The following DYNC1I1 variants were observed in gnomAD, a reference collection of about 807,000 sequenced individuals.
DYNC1I1 encodes the protein dynein cytoplasmic 1 intermediate chain 1.
DYNC1I1 carries 43 observed loss-of-function variants against 86.6 expected under a neutral mutation model. That is an observed-to-expected ratio of 0.50 (90% CI 0.39 to 0.64). The LOEUF (loss-of-function observed/expected upper bound fraction) is 0.64, where lower values mean the gene tolerates loss of function less well. Among genes scored for constraint, DYNC1I1 ranks in the 30% least tolerant of loss-of-function variants. DYNC1I1 has a pLI of 0.00. For missense variants in DYNC1I1, 604 were observed against 788.8 expected (o/e 0.77, Z 2.81); for synonymous variants, 262 against 283.7 (o/e 0.92, Z 0.77).
chr7:95,895,302 A>C (rs1004004742), intron 6 of DYNC1I1, among the ~76,000 whole-genome samples: 2 of 152,200 alleles, frequency 1.3e-5, no homozygotes, highest in African/African-American at 2.4e-5. Context: ...TGATATTTTC[A>C]ATTTTCACTC....
At chr7:95,903,535 G>T (rs1472739709) in intron 6 of DYNC1I1, among the ~76,000 whole-genome samples, 1 of 152,178 alleles carries the variant, frequency 6.6e-6, no homozygotes, top group Non-Finnish European at 1.5e-5. Context: ...ACACAAAGAG[G>T]CAGACAGGAG....
chr7:95,773,082 C>T (rs1359817452), intron 1 of DYNC1I1, among the ~76,000 whole-genome samples: 1 of 152,188 alleles, frequency 6.6e-6, no homozygotes, highest in African/African-American at 2.4e-5. Context: ...CAGTGCGCCC[C>T]GCCTCGGTCT....
chr7:95,825,868 A>G (rs1298167194), intron 4 of DYNC1I1, among the ~76,000 whole-genome samples: 1 of 152,178 alleles, frequency 6.6e-6, no homozygotes, highest in East Asian at 1.9e-4. Context: ...AACCTTGTAA[A>G]CATCACCTGG....
intron 15 of DYNC1I1, 70 bp from the exon 16 acceptor site, chr7:96,080,293 A>G: frequency 1.3e-6 from 2 of 1,509,094 alleles, no homozygotes; most frequent in East Asian, 2.3e-5. Flanking sequence ...AGTTAAACGT[A>G]TTATTGTAAA....
In DYNC1I1 at chr7:96,035,651, G is replaced by A; in HGVS notation, c.1263G>A (p.Lys421=). 1 of 1,610,940 alleles carries A rather than the reference G, an allele frequency of 6.2e-7. No individual in the cohort carries two copies. Among genetic ancestry groups the A allele is most frequent in the Non-Finnish European group, 8.5e-7 (1 of 1,178,746 alleles). Residue 421 remains lysine (K), a synonymous_variant, in exon 13 of 17, where the codon AAG becomes AAA. Transcript: ENST00000447467. The part of the protein sequence containing the change: ...ESMELVYNKS[K]PVAVTGMAFP... ...TGGAGCTGGTGTACAATAAGTCCAA[G>A]CCTGTCGCTGTTACCGGAATGGCTT...
intron 16 of DYNC1I1, chr7:96,109,942 T>A (rs993632702): frequency 2.1e-5 from 6 of 288,652 alleles, no homozygotes; most frequent in African/African-American, 4.6e-5. Flanking sequence ...TATGTACTGA[T>A]TTTCTGCCTA....
chr7:95,799,327 C>A (rs535398462), intron 1 of DYNC1I1, among the ~76,000 whole-genome samples: 1 of 152,046 alleles, frequency 6.6e-6, no homozygotes, highest in African/African-American at 2.4e-5. Flanking sequence ...TGCAGTGAGC[C>A]GAGATCGGGC....
chr7:95,930,288 G>A (rs550330072), intron 6 of DYNC1I1, among the ~76,000 whole-genome samples: 1 of 152,152 alleles, frequency 6.6e-6, no homozygotes, highest in Non-Finnish European at 1.5e-5. Flanking sequence ...AATGATTGGG[G>A]TGGCATTAAT....
At position 96,098,271 on chromosome 7, in the gene DYNC1I1, G is replaced by A. The variant is rs777401816; in HGVS notation, c.*678G>A. 1.3e-4 allele frequency: 128 copies of A among 985,824 alleles called. No individual in the cohort carries two copies. The Middle Eastern group carries it at 2.1e-3, about 16-fold the overall frequency. The allele number at this position is 985,824 out of a possible 1,614,324, so 61.1% of individuals were successfully genotyped here. On this transcript the variant is annotated 3_prime_UTR_variant, in exon 17 of 17. Coordinates refer to ENST00000447467, the MANE Select transcript of DYNC1I1 (RefSeq NM_001135556.2). ...TCTTTAGAGGTTTCTTGCAGTGAAC[G>A]AAATGAATTTTAATGCCTATTATTT...
intron 6 of DYNC1I1, among the ~76,000 whole-genome samples, chr7:95,880,489 C>A (rs1362311806): frequency 6.6e-6 from 1 of 152,094 alleles, no homozygotes; most frequent in Non-Finnish European, 1.5e-5. Flanking sequence ...TTACTTTCTT[C>A]TCCTTTGTGC....
intron 10 of DYNC1I1, among the ~76,000 whole-genome samples, chr7:96,013,779 T>C (rs1794336107): frequency 6.6e-6 from 1 of 152,166 alleles, no homozygotes; most frequent in East Asian, 1.9e-4. Flanking sequence ...TGCTAATGCC[T>C]ACCAAATCTT....
chr7:96,067,036 C>T (rs568842125), intron 14 of DYNC1I1, among the ~76,000 whole-genome samples: 1 of 152,074 alleles, frequency 6.6e-6, no homozygotes, highest in East Asian at 1.9e-4. Context: ...GGGACCTTAC[C>T]GTGTTTTATT....
At chr7:95,870,723 G>T (rs912123809) in intron 6 of DYNC1I1, among the ~76,000 whole-genome samples, 1 of 152,092 alleles carries the variant, frequency 6.6e-6, no homozygotes, top group Admixed American at 6.5e-5. Flanking sequence ...GTCACATACG[G>T]GTATCAGAGA....
chr7:95,938,407 T>C (rs1217699642), intron 6 of DYNC1I1, among the ~76,000 whole-genome samples: 4 of 152,190 alleles, frequency 2.6e-5, no homozygotes, highest in African/African-American at 9.6e-5. Context: ...TCTTTTCATG[T>C]TGACAGGATA....
chr7:95,879,228 C>G (rs13229102), intron 6 of DYNC1I1, among the ~76,000 whole-genome samples: 16,150 of 152,050 alleles, frequency 0.11, 948 homozygotes, highest in South Asian at 0.21. Context: ...TTTTCCTTCT[C>G]TTAACTTATT....
chr7:96,011,154 A>G (rs1303150320), intron 10 of DYNC1I1, among the ~76,000 whole-genome samples: 1 of 152,214 alleles, frequency 6.6e-6, no homozygotes, highest in Non-Finnish European at 1.5e-5. Flanking sequence ...TGCATTTGCC[A>G]TAAGAAAGAT....
chr7:95,775,651 A>G (rs1482662930), intron 1 of DYNC1I1, among the ~76,000 whole-genome samples: 1 of 152,234 alleles, frequency 6.6e-6, no homozygotes, highest in Non-Finnish European at 1.5e-5. Flanking sequence ...AAGTAGACCC[A>G]TGGCCCCTTA....
intron 5 of DYNC1I1, among the ~76,000 whole-genome samples, chr7:95,830,505 T>C (rs74979319): frequency 2.8e-4 from 43 of 152,274 alleles, no homozygotes; most frequent in African/African-American, 1.0e-3. Flanking sequence ...TTCAGAAGGA[T>C]TATTTTGAGA....
At chr7:95,832,795 T>C (rs1788949602) in intron 5 of DYNC1I1, among the ~76,000 whole-genome samples, 1 of 152,166 alleles carries the variant, frequency 6.6e-6, no homozygotes, top group Admixed American at 6.5e-5. Context: ...TCATGTCCTT[T>C]GCCCACTTTT....
Sources: allele counts gnomAD v4.1 joint callset (sites outside exome capture counted in the v4.1 genomes callset), GRCh38; gene constraint gnomAD v4.1.1; transcripts MANE v1.5; gene names NCBI Gene and HGNC (gene_info 2026-07-23, HGNC 2026-07-21).